The following COG5 variants were observed in gnomAD, a reference collection of about 807,000 sequenced individuals.
The protein encoded by COG5 is component of oligomeric golgi complex 5, also known as conserved oligomeric Golgi complex subunit 5.
In COG5, 86 loss-of-function variants were observed where a neutral mutation model predicts 110.4. The observed-to-expected ratio is 0.78, with a 90% confidence interval of 0.65 to 0.93. The LOEUF (loss-of-function observed/expected upper bound fraction) is 0.93. COG5 is among the 40% of genes least tolerant of loss of function. The pLI is 0.00. For missense variants in COG5, 1,077 were observed against 987.0 expected (o/e 1.09, Z -1.22); for synonymous variants, 360 against 334.6 (o/e 1.08, Z -0.83).
In COG5 at chr7:107,293,737, C is replaced by T. The variant is rs576040626; in HGVS notation, c.1313+4405G>A. 7.2e-5 allele frequency among the ~76,000 whole-genome samples: 11 copies of T among 152,192 alleles called. No individual in the cohort carries two copies. The South Asian group carries it at 2.3e-3, about 32-fold the overall frequency. On this transcript the variant is annotated intron_variant, in intron 12 of 21. Coordinates refer to ENST00000297135, the MANE Select transcript of COG5 (RefSeq NM_006348.5). ...GGCTCTCTTTTCTCTCCATATATAA[C>T]TTCCCTATGTAATCTCTTCCAATTC...
intron 14 of COG5, among the ~76,000 whole-genome samples, chr7:107,273,742 TA>T (rs2116737526): frequency 6.6e-6 from 1 of 152,304 alleles, no homozygotes; most frequent in East Asian, 1.9e-4. Flanking sequence ...CTAATACTAA[TA>T]TTTTCTAGGG....
intron 6 of COG5, among the ~76,000 whole-genome samples, chr7:107,448,086 G>A (rs528090593): frequency 1.8e-4 from 28 of 152,252 alleles, no homozygotes; most frequent in East Asian, 1.7e-3. Context: ...AACTCGGGAG[G>A]TGGAGGTTGC....
At chr7:107,560,701 T>G (rs980343591) in intron 1 of COG5, among the ~76,000 whole-genome samples, 13 of 152,226 alleles carry the variant, frequency 8.5e-5, no homozygotes, top group Non-Finnish European at 1.0e-4. Flanking sequence ...TTTTTTCATA[T>G]GTAAACCTTG....
At chr7:107,264,570 T>C (rs1257473887) in intron 14 of COG5, among the ~76,000 whole-genome samples, 1 of 151,898 alleles carries the variant, frequency 6.6e-6, no homozygotes, top group Non-Finnish European at 1.5e-5. Flanking sequence ...TACGCGCCTG[T>C]AGGTCCCAGC....
intron 14 of COG5, among the ~76,000 whole-genome samples, chr7:107,268,711 G>A (rs1360174034): frequency 6.6e-6 from 1 of 152,080 alleles, no homozygotes; most frequent in Non-Finnish European, 1.5e-5. Flanking sequence ...CCTGTAAATT[G>A]TTCCTTTTCT....
Position 107,372,906 on chromosome 7 carries a change from A to C in COG5, c.670-146T>G. On this transcript the variant is annotated intron_variant, in intron 7 of 21. Transcript: ENST00000297135. ...TTTAAAATTATCAAAGACAAGAAAA[A>C]ACACATTTTGAAGTGAAGATTATTT... 4 of 734,336 alleles carry C rather than the reference A, an allele frequency of 5.4e-6. 1 individual carries two copies. The South Asian group carries it at 8.2e-5, about 15-fold the overall frequency. 45.5% of individuals were successfully genotyped at this position (734,336 alleles called of 1,614,324 possible).
At chr7:107,542,086 T>C (rs1192041277) in intron 5 of COG5, among the ~76,000 whole-genome samples, 4 of 152,038 alleles carry the variant, frequency 2.6e-5, no homozygotes, top group African/African-American at 4.8e-5. Flanking sequence ...TTGAAGGCAA[T>C]ATACAATATC....
At chr7:107,499,074 T>C (rs1405002528) in intron 6 of COG5, among the ~76,000 whole-genome samples, 1 of 152,166 alleles carries the variant, frequency 6.6e-6, no homozygotes, top group African/African-American at 2.4e-5. Context: ...ATGATTCCAC[T>C]GACATAAGGT....
At chr7:107,238,298 T>C (rs956748815) in intron 17 of COG5, among the ~76,000 whole-genome samples, 5 of 152,202 alleles carry the variant, frequency 3.3e-5, no homozygotes, top group African/African-American at 1.2e-4. Context: ...TGTAGGTTCA[T>C]CTATTTGTTG....
At chr7:107,554,002 CTCAAAG>C (rs980823612) in intron 3 of COG5, among the ~76,000 whole-genome samples, 10 of 152,172 alleles carry the variant, frequency 6.6e-5, no homozygotes, top group African/African-American at 2.4e-4. Flanking sequence ...AACTAACTTG[CTCAAAG>C]TCAAACACCT....
intron 16 of COG5, among the ~76,000 whole-genome samples, chr7:107,249,875 C>T (rs1266225500): frequency 6.6e-6 from 1 of 151,944 alleles, no homozygotes; most frequent in African/African-American, 2.4e-5. Context: ...CATGTTGACA[C>T]TAAAAAAGTT....
At chr7:107,248,215 T>A (rs538342507) in intron 17 of COG5, among the ~76,000 whole-genome samples, 181 bp downstream of exon 17, 2 of 151,720 alleles carry the variant, frequency 1.3e-5, no homozygotes, top group East Asian at 3.9e-4. Flanking sequence ...AAACGAGAAC[T>A]GAAAAATTTT....
intron 11 of COG5, among the ~76,000 whole-genome samples, chr7:107,319,546 A>C (rs1263051295): frequency 6.6e-6 from 1 of 152,166 alleles, no homozygotes; most frequent in Non-Finnish European, 1.5e-5. Flanking sequence ...GTTTTGGTTT[A>C]TCTGAGATCA....
chr7:107,492,636 T>C (rs953574000), intron 6 of COG5, among the ~76,000 whole-genome samples: 1 of 152,076 alleles, frequency 6.6e-6, no homozygotes, highest in Non-Finnish European at 1.5e-5. Context: ...GCTTATGATC[T>C]CCTTCTTTCA....
At chr7:107,549,525 G>C (rs939114094) in intron 3 of COG5, among the ~76,000 whole-genome samples, 9 of 151,348 alleles carry the variant, frequency 5.9e-5, no homozygotes, top group African/African-American at 2.2e-4. Flanking sequence ...CCGAGTGGCT[G>C]GGATTACAGG....
At chr7:107,519,742 A>C (rs970266679) in intron 6 of COG5, among the ~76,000 whole-genome samples, 1 of 152,164 alleles carries the variant, frequency 6.6e-6, no homozygotes, top group African/African-American at 2.4e-5. Context: ...CCACTCCTTC[A>C]GATGATATTC....
intron 6 of COG5, among the ~76,000 whole-genome samples, chr7:107,439,605 C>CT (rs1794585170): frequency 6.6e-6 from 1 of 151,642 alleles, no homozygotes; most frequent in Non-Finnish European, 1.5e-5. Flanking sequence ...AATTATATTT[C>CT]TTAAATATAT....
At chr7:107,342,941 G>T (rs114016132) in intron 10 of COG5, among the ~76,000 whole-genome samples, 1 of 152,080 alleles carries the variant, frequency 6.6e-6, no homozygotes, top group African/African-American at 2.4e-5. Flanking sequence ...AGTGCTATTC[G>T]CAATAGCAAA....
At chr7:107,221,682 G>A (rs1020638138) in intron 19 of COG5, among the ~76,000 whole-genome samples, 2 of 151,232 alleles carry the variant, frequency 1.3e-5, no homozygotes, top group African/African-American at 2.4e-5. Context: ...GGAGAATGGC[G>A]TGAACCTGGG....
Sources: allele counts gnomAD v4.1 joint callset (sites outside exome capture counted in the v4.1 genomes callset), GRCh38; gene constraint gnomAD v4.1.1; transcripts MANE v1.5; gene names NCBI Gene and HGNC (gene_info 2026-07-23, HGNC 2026-07-21).